The following DIAPH3 variants were observed in gnomAD, a reference collection of about 807,000 sequenced individuals.
DIAPH3 encodes diaphanous related formin 3, also known as protein diaphanous homolog 3.
A neutral mutation model predicts 144.3 loss-of-function variants in DIAPH3; 117 were observed. The observed-to-expected ratio is 0.81, with a 90% CI of 0.70 to 0.95. The LOEUF (loss-of-function observed/expected upper bound fraction) is 0.95. DIAPH3 is among the 40% of genes least tolerant of loss of function. The probability of loss-of-function intolerance (pLI) is 0.00; values close to 1 mark genes in which losing one functional copy is unlikely to be tolerated. For synonymous variants in DIAPH3, 519 were observed against 488.9 expected, an observed-to-expected ratio of 1.06 and a Z score of -0.81; for missense variants, 1,421 against 1,412.7, an observed-to-expected ratio of 1.01 and a Z score of -0.09.
At chr13:59,791,133 T>TA (rs919129443) in intron 25 of DIAPH3, among the ~76,000 whole-genome samples, 2 of 151,844 alleles carry the variant, frequency 1.3e-5, no homozygotes, top group Admixed American at 1.3e-4. Context: ...CCCAAGTAAT[T>TA]AAAAAAAATT....
intron 27 of DIAPH3, among the ~76,000 whole-genome samples, chr13:59,771,319 C>T (rs1250084759): frequency 6.6e-6 from 1 of 152,036 alleles, no homozygotes; most frequent in Non-Finnish European, 1.5e-5. Flanking sequence ...ATATTTTTTA[C>T]CCAAGCTTTC....
intron 22 of DIAPH3, among the ~76,000 whole-genome samples, chr13:59,859,103 T>A (rs1161653888): frequency 6.6e-6 from 1 of 152,166 alleles, no homozygotes; most frequent in East Asian, 1.9e-4. Context: ...ATTCAAAATA[T>A]TACATTTTCT....
At chr13:60,134,248 A>T (rs1264965878) in intron 1 of DIAPH3, among the ~76,000 whole-genome samples, 6 of 152,210 alleles carry the variant, frequency 3.9e-5, no homozygotes. Context: ...AATTAGAATC[A>T]CCTACTTTGA....
chr13:59,710,186 G>A (rs1462550832), intron 27 of DIAPH3, among the ~76,000 whole-genome samples: 1 of 150,462 alleles, frequency 6.6e-6, no homozygotes, highest in Non-Finnish European at 1.5e-5. Context: ...CATGGCACAT[G>A]TATACATATG....
chr13:59,936,952 A>C (rs978786214), intron 17 of DIAPH3, among the ~76,000 whole-genome samples: 3 of 152,112 alleles, frequency 2.0e-5, no homozygotes, highest in Non-Finnish European at 4.4e-5. Flanking sequence ...TCATGAGGTC[A>C]GGAGATCGAG....
chr13:59,833,326 G>A, intron 23 of DIAPH3, 55 bp from the exon 24 acceptor site: 1 of 1,406,742 alleles, frequency 7.1e-7, no homozygotes, highest in Non-Finnish European at 9.8e-7. Context: ...TGGGGGCAGG[G>A]GGAACTCTGT....
intron 1 of DIAPH3, among the ~76,000 whole-genome samples, chr13:60,149,872 T>C (rs1951704721): frequency 6.6e-6 from 1 of 151,954 alleles, no homozygotes; most frequent in African/African-American, 2.4e-5. Context: ...CTTTCTTTCA[T>C]GTTAAAAAAG....
At chr13:59,883,321 T>G in intron 20 of DIAPH3, among the ~76,000 whole-genome samples, 1 of 152,216 alleles carries the variant, frequency 6.6e-6, no homozygotes, top group Middle Eastern at 3.2e-3. Flanking sequence ...TTACATCAAC[T>G]TTGTTTAACA....
chr13:60,089,470 TTC>T, intron 4 of DIAPH3, among the ~76,000 whole-genome samples: 1 of 152,314 alleles, frequency 6.6e-6, no homozygotes, highest in Non-Finnish European at 1.5e-5. Context: ...TAATTTCTAA[TTC>T]TTTTTTATTT....
intron 15 of DIAPH3, among the ~76,000 whole-genome samples, chr13:59,972,447 C>T (rs2050440005): frequency 6.6e-6 from 1 of 152,108 alleles, no homozygotes; most frequent in South Asian, 2.1e-4. Context: ...CTACCTTTAA[C>T]ATTTAATAAA....
At chr13:60,124,023 C>T (rs1033875202) in intron 2 of DIAPH3, among the ~76,000 whole-genome samples, 4 of 152,190 alleles carry the variant, frequency 2.6e-5, no homozygotes, top group African/African-American at 9.7e-5. Context: ...ATATATCCCA[C>T]AAGACACATC....
At position 60,016,717 on chromosome 13, in the gene DIAPH3, T is replaced by C. The variant is rs1266281281; in HGVS notation, c.627-572A>G. On this transcript the variant is annotated intron_variant, in intron 5 of 27. Coordinates refer to ENST00000400324, the MANE Select transcript of DIAPH3 (RefSeq NM_001042517.2). ...TACATTCCTACAAATGTTAAGAATT[T>C]CCTAAGTTTCAAAGTTCAGTTGCTT... Among the ~76,000 whole-genome samples the C allele has an allele frequency of 3.9e-5, 6 of 152,324 alleles. No homozygotes were observed. In the Middle Eastern group the frequency reaches 0.01, roughly 259 times the overall value.
intron 4 of DIAPH3, among the ~76,000 whole-genome samples, chr13:60,051,238 T>C (rs1190276633): frequency 6.6e-6 from 1 of 151,732 alleles, no homozygotes; most frequent in Non-Finnish European, 1.5e-5. Flanking sequence ...AAAAAATATA[T>C]ATATATGGTA....
intron 27 of DIAPH3, among the ~76,000 whole-genome samples, chr13:59,719,403 T>C (rs2035227413): frequency 6.6e-6 from 1 of 152,142 alleles, no homozygotes; most frequent in South Asian, 2.1e-4. Context: ...TAATGAAGAA[T>C]GGATTAATTT....
At chr13:60,045,148 C>T (rs968714040) in intron 4 of DIAPH3, among the ~76,000 whole-genome samples, 3 of 152,062 alleles carry the variant, frequency 2.0e-5, no homozygotes, top group African/African-American at 4.8e-5. Context: ...TCGAGACCAG[C>T]GTGACCAACA....
At chr13:59,765,806 C>G (rs889466852) in intron 27 of DIAPH3, among the ~76,000 whole-genome samples, 6 of 151,954 alleles carry the variant, frequency 3.9e-5, no homozygotes, top group African/African-American at 1.5e-4. Flanking sequence ...TTGGAACTGA[C>G]CTTTAAGGAG....
chr13:60,030,946 G>A (rs2054743969), intron 5 of DIAPH3, among the ~76,000 whole-genome samples: 1 of 152,212 alleles, frequency 6.6e-6, no homozygotes, highest in South Asian at 2.1e-4. Flanking sequence ...GCCCTGCAGA[G>A]GGACTGCAGG....
chr13:59,716,464 C>T (rs755361137), intron 27 of DIAPH3, among the ~76,000 whole-genome samples: 8 of 152,098 alleles, frequency 5.3e-5, no homozygotes, highest in Non-Finnish European at 7.4e-5. Context: ...CATGAGCCAC[C>T]GTGCCCGGCC....
chr13:59,896,001 T>C (rs188263932), intron 20 of DIAPH3, among the ~76,000 whole-genome samples: 147 of 152,334 alleles, frequency 9.6e-4, no homozygotes, highest in Non-Finnish European at 1.7e-3. Flanking sequence ...TTTACCTTTT[T>C]CCCACCTCCT....
Sources: gnomAD v4.1 joint callset for allele counts (sites outside exome capture counted in the v4.1 genomes callset) on GRCh38, gnomAD v4.1.1 for gene constraint, MANE v1.5 for transcripts, NCBI Gene and HGNC (gene_info 2026-07-23, HGNC 2026-07-21) for gene names.